Variants in TENM3 observed in about 807,000 individuals in gnomAD.
The protein encoded by TENM3 is teneurin transmembrane protein 3.
Under a neutral mutation model 255.1 loss-of-function variants are expected in TENM3, and 63 were observed. That is an observed-to-expected ratio of 0.25 (90% CI 0.20 to 0.30). The LOEUF (loss-of-function observed/expected upper bound fraction) is 0.30, where lower values mean the gene tolerates loss of function less well. Among genes scored for constraint, TENM3 ranks in the 10% least tolerant of loss-of-function variants. The pLI is 1.00. For synonymous variants in TENM3, 1,306 were observed against 1,322.3 expected (o/e 0.99, Z 0.27); for missense variants, 2,929 against 3,461.1 (o/e 0.85, Z 3.86).
chr4:181,542,921 C>T, the TENM3 span, among the ~76,000 whole-genome samples: 1 of 152,306 alleles, frequency 6.6e-6, no homozygotes, highest in East Asian at 1.9e-4. Flanking sequence ...GTTCCCCCAT[C>T]CCCTACATTA....
chr4:182,313,383 A>G (rs1244381791), intron 1 of TENM3, among the ~76,000 whole-genome samples: 1 of 151,982 alleles, frequency 6.6e-6, no homozygotes, highest in Non-Finnish European at 1.5e-5. Context: ...TTGAATTTTA[A>G]AACAATAAGT....
the TENM3 span, among the ~76,000 whole-genome samples, chr4:181,736,155 G>A: frequency 3.9e-5 from 6 of 152,140 alleles, no homozygotes; most frequent in Non-Finnish European, 5.9e-5. Context: ...TAAATTAGCC[G>A]GGCGTGGTGG....
the TENM3 span, among the ~76,000 whole-genome samples, chr4:181,629,364 C>T: frequency 2.0e-5 from 3 of 152,078 alleles, no homozygotes; most frequent in African/African-American, 4.8e-5. Flanking sequence ...CCAGAACTTC[C>T]GACACTGTGT....
chr4:182,354,166 T>C (rs1580263109), intron 3 of TENM3, among the ~76,000 whole-genome samples: 1 of 152,180 alleles, frequency 6.6e-6, no homozygotes, highest in East Asian at 1.9e-4. Context: ...AATTGCCATT[T>C]CTATTAAGCT....
the TENM3 span, among the ~76,000 whole-genome samples, chr4:181,955,922 C>A: frequency 0.015 from 2,310 of 152,188 alleles, 55 homozygotes; most frequent in African/African-American, 0.053. Context: ...ATGAAAGGAA[C>A]CAAACAAGTT....
the TENM3 span, among the ~76,000 whole-genome samples, chr4:181,621,205 T>C: frequency 2.6e-5 from 4 of 152,326 alleles, no homozygotes; most frequent in South Asian, 8.3e-4. Flanking sequence ...GTCCTTCAAC[T>C]TAATGATTCT....
At chr4:182,518,009 TC>T (rs142500767) in intron 3 of TENM3, among the ~76,000 whole-genome samples, 1,933 of 152,260 alleles carry the variant, frequency 0.013, 39 homozygotes, top group African/African-American at 0.045. Flanking sequence ...TGATGAAGAC[TC>T]CCTAGATCCT....
intron 3 of TENM3, among the ~76,000 whole-genome samples, chr4:182,375,404 C>G (rs1441124761): frequency 1.3e-5 from 2 of 152,124 alleles, no homozygotes; most frequent in Non-Finnish European, 2.9e-5. Flanking sequence ...TCACAAAATG[C>G]TGGGAGGAAT....
chr4:182,340,537 A>G (rs1203424847), intron 2 of TENM3, among the ~76,000 whole-genome samples: 2 of 152,196 alleles, frequency 1.3e-5, no homozygotes, highest in Non-Finnish European at 2.9e-5. Flanking sequence ...ATGAATAAAG[A>G]TTTGTAGCCT....
rs199916744 is a variant in TENM3 at position 182,348,784 on chromosome 4, A to AT, written c.511+1864dup. Among the ~76,000 whole-genome samples, 833 of 151,656 alleles carry AT rather than the reference A, an allele frequency of 5.5e-3. 11 individuals carry two copies. The highest frequency in any genetic ancestry group is 0.019 in the African/African-American group (769 of 41,376). ...TCATGGTGGATCCCCAAACATATGT[A>AT]TTTTTTTTTCTTTTTGGAAAATATA... On this transcript the variant is annotated intron_variant, in intron 3 of 27. Transcript: ENST00000511685.
the TENM3 span, among the ~76,000 whole-genome samples, chr4:181,467,062 TGTGTGTGTGTGTGTGTGTGTGC>T: frequency 4.5e-3 from 79 of 17,704 alleles, no homozygotes; most frequent in African/African-American, 0.014. Context: ...ATTTTACTAG[TGTGTGTGTGTGTGTGTGTGTGC>T]GTGTGTGTGT....
intron 1 of TENM3, among the ~76,000 whole-genome samples, chr4:182,271,065 G>A (rs570806370): frequency 9.9e-5 from 15 of 152,198 alleles, no homozygotes; most frequent in South Asian, 4.2e-4. Flanking sequence ...TGTGGAACCC[G>A]TGTTCTCTTA....
At chr4:181,700,006 A>G in the TENM3 span, among the ~76,000 whole-genome samples, 8 of 152,306 alleles carry the variant, frequency 5.3e-5, no homozygotes, top group African/African-American at 1.9e-4. Context: ...CTATGAAGAT[A>G]GAGAAAACTC....
At chr4:182,795,150 C>T (rs1766408411) in intron 26 of TENM3, among the ~76,000 whole-genome samples, 1 of 152,152 alleles carries the variant, frequency 6.6e-6, no homozygotes, top group Non-Finnish European at 1.5e-5. Flanking sequence ...TAAAGCATTT[C>T]ATATCTCTTC....
At position 182,243,946 on chromosome 4, in the gene TENM3, CT is replaced by C. The variant is rs967487689; in HGVS notation, c.-76+495del. Among the ~76,000 whole-genome samples, 145 of 72,878 alleles carry C rather than the reference CT, an allele frequency of 2.0e-3. 1 individual carries two copies. Among genetic ancestry groups the C allele is most frequent in the South Asian group, 7.3e-3 (14 of 1,926 alleles). 47.8% of individuals were successfully genotyped at this position (72,878 alleles called of 152,430 possible). A position where few individuals can be genotyped will look rare whatever the true frequency, so the allele number is the denominator to read the frequency against. On this transcript the variant is annotated intron_variant, in intron 1 of 27. Coordinates refer to ENST00000511685, the MANE Select transcript of TENM3 (RefSeq NM_001080477.4). ...CCAAGAATGGAATCATTTGTGTTTT[CT>C]TTTTTTTTTTTTTTTTTTTTTTTTG... is the stretch of plus-strand genomic sequence containing the variant.
intron 1 of TENM3, among the ~76,000 whole-genome samples, chr4:182,158,788 A>G (rs143563266): frequency 2.0e-5 from 3 of 152,326 alleles, no homozygotes; most frequent in East Asian, 3.9e-4. Context: ...GTGGCCAGCT[A>G]TAACTAAAGT....
chr4:182,268,205 G>A (rs912570976), intron 1 of TENM3, among the ~76,000 whole-genome samples: 2 of 152,120 alleles, frequency 1.3e-5, no homozygotes, highest in Admixed American at 1.3e-4. Context: ...TACAGGACAA[G>A]GAATACAGGA....
chr4:182,472,905 T>G (rs1733272118), intron 3 of TENM3, among the ~76,000 whole-genome samples: 1 of 152,100 alleles, frequency 6.6e-6, no homozygotes, highest in African/African-American at 2.4e-5. Flanking sequence ...GTTGTTGTTG[T>G]GGAGACAGAG....
chr4:182,467,173 T>C (rs964467553), intron 3 of TENM3, among the ~76,000 whole-genome samples: 1 of 152,212 alleles, frequency 6.6e-6, no homozygotes, highest in Non-Finnish European at 1.5e-5. Flanking sequence ...ATAAACCTTC[T>C]GGTGGTAAAT....
Sources: allele counts gnomAD v4.1 joint callset (sites outside exome capture counted in the v4.1 genomes callset), GRCh38; gene constraint gnomAD v4.1.1; transcripts MANE v1.5; gene names NCBI Gene and HGNC (gene_info 2026-07-23, HGNC 2026-07-21).